USP54: variants seen among roughly 807,000 people sequenced by gnomAD.
The protein encoded by USP54 is ubiquitin specific peptidase 54, also known as ubiquitin carboxyl-terminal hydrolase 54.
USP54 carries 87 observed loss-of-function variants against 170.5 expected under a neutral mutation model. The ratio of observed to expected loss-of-function variants is 0.51; its 90% CI spans 0.43 to 0.61. USP54 has a LOEUF of 0.61. USP54 is among the 20% of genes least tolerant of loss of function. The pLI is 0.00. For missense variants in USP54, 1,786 were observed against 2,047.8 expected, an observed-to-expected ratio of 0.87 and a Z score of 2.47; for synonymous variants, 655 against 742.8, an observed-to-expected ratio of 0.88 and a Z score of 1.92.
intron 22 of USP54, among the ~76,000 whole-genome samples, chr10:73,501,148 G>A (rs1181478712): frequency 6.6e-6 from 1 of 151,948 alleles, no homozygotes; most frequent in Non-Finnish European, 1.5e-5. Context: ...GATTGAGATA[G>A]AAATTTAAAA....
At chr10:73,616,216 T>C (rs1377849465) in intron 1 of USP54, among the ~76,000 whole-genome samples, 2 of 148,622 alleles carry the variant, frequency 1.3e-5, no homozygotes, top group Non-Finnish European at 2.9e-5. Flanking sequence ...CAAGTGCCTG[T>C]AATGCTAGCT....
intron 1 of USP54, among the ~76,000 whole-genome samples, chr10:73,598,866 G>A (rs1033042551): frequency 6.6e-6 from 1 of 152,188 alleles, no homozygotes; most frequent in African/African-American, 2.4e-5. Flanking sequence ...GTTGCAGTGA[G>A]CCAACAGAGC....
chr10:73,549,965 C>A (rs1468912563), intron 4 of USP54, among the ~76,000 whole-genome samples: 2 of 152,144 alleles, frequency 1.3e-5, no homozygotes, highest in African/African-American at 4.8e-5. Context: ...ACTCTGTCAC[C>A]CATGCTGGAG....
At chr10:73,584,580 C>T (rs2077264278) in intron 1 of USP54, among the ~76,000 whole-genome samples, 1 of 152,008 alleles carries the variant, frequency 6.6e-6, no homozygotes, top group South Asian at 2.1e-4. Flanking sequence ...TCAGCAACAT[C>T]GGGGTAAGTA....
At chr10:73,548,378 G>A (rs2068362605) in intron 4 of USP54, among the ~76,000 whole-genome samples, 1 of 152,154 alleles carries the variant, frequency 6.6e-6, no homozygotes, top group African/African-American at 2.4e-5. Context: ...TCCCTTTACT[G>A]GGTATATACC....
At chr10:73,534,259 T>C (rs867617495) in intron 12 of USP54, among the ~76,000 whole-genome samples, 1 of 151,690 alleles carries the variant, frequency 6.6e-6, no homozygotes. Flanking sequence ...CAGGCTGGAG[T>C]GCAGTGGCAC....
chr10:73,553,254 T>A (rs932586318), intron 4 of USP54: 4 of 152,242 alleles, frequency 2.6e-5, no homozygotes, highest in Non-Finnish European at 5.9e-5. Flanking sequence ...ACACTGAGAA[T>A]CTGAATGCAT....
intron 5 of USP54, among the ~76,000 whole-genome samples, chr10:73,544,700 C>T (rs1261857180): frequency 1.3e-5 from 2 of 151,906 alleles, no homozygotes; most frequent in Non-Finnish European, 2.9e-5. Context: ...GTATCACTCT[C>T]AAATTTTCTT....
intron 1 of USP54, among the ~76,000 whole-genome samples, chr10:73,621,072 CT>C (rs1462710045): frequency 1.3e-5 from 2 of 150,220 alleles, no homozygotes; most frequent in Non-Finnish European, 2.9e-5. Flanking sequence ...AGGAGAATCG[CT>C]TGAACCTGGT....
At chr10:73,607,566 C>T (rs551621449) in intron 1 of USP54, among the ~76,000 whole-genome samples, 1 of 151,962 alleles carries the variant, frequency 6.6e-6, no homozygotes, top group East Asian at 1.9e-4. Flanking sequence ...TACGGTGGCT[C>T]GCGCCTGTAA....
rs2067695943 is a variant in USP54 at position 73,545,964 on chromosome 10, C to T, written c.241-292G>A. Among the ~76,000 whole-genome samples the T allele has an allele frequency of 6.6e-6, 1 of 152,266 alleles. No individual in the cohort carries two copies. Among genetic ancestry groups the T allele is most frequent in the African/African-American group, 2.4e-5 (1 of 41,550 alleles). ...AATGCAGTTACCTCATTTCCTCTTCCTCTAATACAGACAGAAGTAAATGGG... is the reference window on the plus strand; with the variant it reads ...AATGCAGTTACCTCATTTCCTCTTCTTCTAATACAGACAGAAGTAAATGGG... On this transcript the variant is annotated intron_variant, in intron 4 of 23. Coordinates refer to ENST00000687698, the MANE Select transcript of USP54 (RefSeq NM_001391956.1).
chr10:73,503,500 A>G (rs1327206518), intron 22 of USP54, among the ~76,000 whole-genome samples: 1 of 152,216 alleles, frequency 6.6e-6, no homozygotes, highest in South Asian at 2.1e-4. Context: ...ATCAATAAGC[A>G]TTTATTTAAA....
At chr10:73,506,540 AT>A (rs2059162233) in intron 20 of USP54, 1 of 152,124 alleles carries the variant, frequency 6.6e-6, no homozygotes, top group Non-Finnish European at 1.5e-5. Context: ...TCTAATATAT[AT>A]ATATATATCT....
Position 73,575,647 on chromosome 10 carries a change from C to T in USP54, c.12G>A (p.Lys4=). Residue 4 remains lysine (K), a synonymous_variant, in exon 3 of 24, where the codon AAG becomes AAA. Coordinates refer to ENST00000687698, the MANE Select transcript of USP54 (RefSeq NM_001391956.1). The part of the protein sequence containing the change: MSW[K]RNYFSGGRGS... Reference sequence around the variant, plus strand: ...CACGACCCCCTGAAAAATAATTTCTCTTCCAAGACATTATTGTTCACATTT... The same window carrying T: ...CACGACCCCCTGAAAAATAATTTCTTTTCCAAGACATTATTGTTCACATTT... The T allele has an allele frequency of 7.5e-6, 12 of 1,605,394 alleles. No individual in the cohort carries two copies. Among genetic ancestry groups the T allele is most frequent in the Non-Finnish European group, 9.3e-6 (11 of 1,177,026 alleles).
At chr10:73,532,996 CATT>C (rs1026980449) in intron 12 of USP54, among the ~76,000 whole-genome samples, 3 of 152,214 alleles carry the variant, frequency 2.0e-5, no homozygotes, top group East Asian at 1.9e-4. Context: ...AAGGAATCAT[CATT>C]ATTATTTTTA....
chr10:73,525,368 A>G (rs1029988366), intron 16 of USP54, among the ~76,000 whole-genome samples: 22 of 152,316 alleles, frequency 1.4e-4, no homozygotes, highest in African/African-American at 5.3e-4. Flanking sequence ...GCGCATAAAT[A>G]GGGCTTATTA....
chr10:73,587,008 G>A (rs2077566341), intron 1 of USP54, among the ~76,000 whole-genome samples: 1 of 152,000 alleles, frequency 6.6e-6, no homozygotes, highest in African/African-American at 2.4e-5. Flanking sequence ...AAAAGTAGTT[G>A]GAAAGAAAAC....
intron 13 of USP54, 68 bp from the exon 14 acceptor site, chr10:73,530,591 G>A (rs989531959): frequency 2.7e-5 from 42 of 1,562,570 alleles, no homozygotes; most frequent in Non-Finnish European, 3.1e-5. Flanking sequence ...CCCCAATGTC[G>A]AAAAAGCAAA....
chr10:73,571,568 T>A lies in USP54; in HGVS notation c.148-55A>T, dbSNP rs988980947. ...TCTATAAAAAGCTACCATTTAATTT[T>A]AAAGTAAAGAGTTCAAACAAACATA... is the stretch of plus-strand genomic sequence containing the variant. On this transcript the variant is annotated intron_variant, in intron 3 of 23. Transcript: ENST00000687698. 1.4e-5 allele frequency: 20 copies of A among 1,442,242 alleles called. No individual in the cohort carries two copies. The African/African-American group carries it at 2.7e-4, about 19-fold the overall frequency. 89.3% of individuals were successfully genotyped at this position (1,442,242 alleles called of 1,614,324 possible).
Sources: gnomAD v4.1 joint callset for allele counts (sites outside exome capture counted in the v4.1 genomes callset) on GRCh38, gnomAD v4.1.1 for gene constraint, MANE v1.5 for transcripts, NCBI Gene and HGNC (gene_info 2026-07-23, HGNC 2026-07-21) for gene names.